BCL2L13: variants seen among roughly 807,000 people sequenced by gnomAD.
The protein encoded by BCL2L13 is BCL2 like 13.
BCL2L13 carries 13 observed loss-of-function variants against 25.8 expected under a neutral mutation model. That is an observed-to-expected ratio of 0.50 (90% CI 0.33 to 0.80). BCL2L13 has a LOEUF of 0.80. Among genes scored for constraint, BCL2L13 ranks in the 30% least tolerant of loss-of-function variants. The probability of loss-of-function intolerance (pLI) is 0.02; values close to 1 mark genes in which losing one functional copy is unlikely to be tolerated. For missense variants in BCL2L13, 504 were observed against 574.9 expected, an observed-to-expected ratio of 0.88 and a Z score of 1.26; for synonymous variants, 244 against 230.3, an observed-to-expected ratio of 1.06 and a Z score of -0.54.
intron 2 of BCL2L13, among the ~76,000 whole-genome samples, chr22:17,678,265 CCTT>C (rs1244556282): frequency 1.3e-5 from 2 of 152,036 alleles, no homozygotes; most frequent in African/African-American, 2.4e-5. Context: ...CTTAAACAAT[CCTT>C]CTGCCTCGGC....
intron 2 of BCL2L13, 32 bp from the exon 3 acceptor site, chr22:17,683,182 C>T: frequency 3.3e-6 from 4 of 1,228,344 alleles, no homozygotes; most frequent in Non-Finnish European, 4.7e-6. Context: ...CTCTCTCCCT[C>T]TTTCAATAAT....
intron 2 of BCL2L13, among the ~76,000 whole-genome samples, chr22:17,669,873 T>G (rs1253152158): frequency 6.6e-6 from 1 of 152,162 alleles, no homozygotes; most frequent in Non-Finnish European, 1.5e-5. Flanking sequence ...CCCCTCAACC[T>G]TGGACTTCTC....
intron 1 of BCL2L13, among the ~76,000 whole-genome samples, chr22:17,646,622 C>A (rs1353257825): frequency 1.3e-5 from 2 of 149,760 alleles, no homozygotes; most frequent in Admixed American, 6.6e-5. Context: ...CTTGTACTAA[C>A]TTGAATTTTA....
chr22:17,681,790 G>T (rs1035752901), intron 2 of BCL2L13, among the ~76,000 whole-genome samples: 2 of 152,092 alleles, frequency 1.3e-5, no homozygotes, highest in Non-Finnish European at 2.9e-5. Flanking sequence ...CAGGGGTTAG[G>T]GCCCAGACCC....
Position 17,674,489 on chromosome 22 carries a change from C to T in BCL2L13, c.122-8725C>T, listed in dbSNP as rs1211026342. Reference sequence around the variant, plus strand: ...GGCATGGTTCCGGGCGCCTGTAATCCCAGCTACTAGGGAGGCTGAGGTGGG... The same window carrying T: ...GGCATGGTTCCGGGCGCCTGTAATCTCAGCTACTAGGGAGGCTGAGGTGGG... On this transcript the variant is annotated intron_variant, in intron 2 of 6. Coordinates refer to ENST00000317582, the MANE Select transcript of BCL2L13 (RefSeq NM_015367.4). 2.6e-5 allele frequency among the ~76,000 whole-genome samples: 4 copies of T among 151,892 alleles called. No homozygotes were observed. In the East Asian group the frequency reaches 5.8e-4, roughly 22 times the overall value.
intron 1 of BCL2L13, among the ~76,000 whole-genome samples, chr22:17,641,651 A>G (rs1355408368): frequency 6.6e-6 from 1 of 152,044 alleles, no homozygotes; most frequent in Non-Finnish European, 1.5e-5. Context: ...CATTTTCATC[A>G]CCTCAAAAAG....
At chr22:17,712,024 G>A (rs1381794533) in intron 6 of BCL2L13, among the ~76,000 whole-genome samples, 1 of 144,048 alleles carries the variant, frequency 6.9e-6, no homozygotes, top group East Asian at 2.0e-4. Flanking sequence ...TTTTTTGAAG[G>A]TTTTTTTTTT....
intron 2 of BCL2L13, among the ~76,000 whole-genome samples, chr22:17,677,519 C>T (rs976278560): frequency 2.6e-5 from 4 of 152,072 alleles, no homozygotes; most frequent in African/African-American, 9.7e-5. Context: ...CCTGCTTGAG[C>T]CCAGGAATTT....
chr22:17,728,510 A>G lies in BCL2L13; in HGVS notation c.*976A>G, dbSNP rs2061351291. ...CCACCACCATGGTTACTTGCCAGCA[A>G]CATCTCTATTGCTGGATGGTCCCTG... is the stretch of plus-strand genomic sequence containing the variant. On this transcript the variant is annotated 3_prime_UTR_variant, in exon 7 of 7. Transcript: ENST00000317582. The G allele has an allele frequency of 1.3e-5, 2 of 152,182 alleles. No individual in the cohort carries two copies. Among genetic ancestry groups the G allele is most frequent in the African/African-American group, 4.8e-5 (2 of 41,448 alleles). The allele number at this position is 152,182 out of a possible 1,614,324, so 9.4% of individuals were successfully genotyped here.
At chr22:17,724,742 A>G (rs1433715550) in intron 6 of BCL2L13, among the ~76,000 whole-genome samples, 1 of 152,258 alleles carries the variant, frequency 6.6e-6, no homozygotes, top group Non-Finnish European at 1.5e-5. Flanking sequence ...TTTGCTTTAC[A>G]TATTCCATTC....
At chr22:17,676,353 C>A (rs1184243121) in intron 2 of BCL2L13, among the ~76,000 whole-genome samples, 2 of 152,108 alleles carry the variant, frequency 1.3e-5, no homozygotes, top group Non-Finnish European at 2.9e-5. Flanking sequence ...CTCCCAGCTA[C>A]TTGGGAGGCT....
At chr22:17,681,033 A>G (rs940205069) in intron 2 of BCL2L13, among the ~76,000 whole-genome samples, 3 of 152,076 alleles carry the variant, frequency 2.0e-5, no homozygotes, top group African/African-American at 7.2e-5. Context: ...TCGCACCTCC[A>G]TGCCCCGCGA....
chr22:17,645,702 G>T (rs2058449804), intron 1 of BCL2L13, among the ~76,000 whole-genome samples: 1 of 151,472 alleles, frequency 6.6e-6, no homozygotes, highest in Admixed American at 6.6e-5. Flanking sequence ...TACATTTGTT[G>T]TTAAAGGTTC....
intron 1 of BCL2L13, among the ~76,000 whole-genome samples, chr22:17,647,787 A>G (rs1165902645): frequency 1.3e-5 from 2 of 152,236 alleles, no homozygotes; most frequent in African/African-American, 2.4e-5. Context: ...AAAATGCTTT[A>G]GAAACAGATG....
intron 2 of BCL2L13, among the ~76,000 whole-genome samples, chr22:17,673,705 C>A (rs916834107): frequency 1.3e-5 from 2 of 152,028 alleles, no homozygotes; most frequent in Non-Finnish European, 2.9e-5. Flanking sequence ...GTCATTTGAG[C>A]TGTCCTCAAA....
chr22:17,663,880 G>T (rs1334883468), intron 2 of BCL2L13, among the ~76,000 whole-genome samples: 9 of 149,398 alleles, frequency 6.0e-5, no homozygotes, highest in African/African-American at 2.2e-4. Context: ...ATGGAGTCTC[G>T]CTCTGTTGCC....
rs188635059 is a variant in BCL2L13, at chr22:17,688,762, A to G, written c.230-224A>G. On this transcript the variant is annotated intron_variant, in intron 3 of 6. Coordinates refer to ENST00000317582, the MANE Select transcript of BCL2L13 (RefSeq NM_015367.4). Reference sequence around the variant, plus strand: ...GGCCTTTTATAGCGCAACTTTTGATATTGTTGTTTTTTTTTTTTTTTTGAG... The same window carrying G: ...GGCCTTTTATAGCGCAACTTTTGATGTTGTTGTTTTTTTTTTTTTTTTGAG... Among the ~76,000 whole-genome samples, 8 of 143,550 alleles carry G rather than the reference A, an allele frequency of 5.6e-5. No homozygotes were observed. In the East Asian group the frequency reaches 1.2e-3, roughly 22 times the overall value. 94.2% of individuals were successfully genotyped at this position (143,550 alleles called of 152,430 possible).
chr22:17,712,714 GCTTAA>G (rs1354122862), intron 6 of BCL2L13, among the ~76,000 whole-genome samples: 2 of 152,166 alleles, frequency 1.3e-5, no homozygotes, highest in African/African-American at 4.8e-5. Context: ...GGAAAATTTA[GCTTAA>G]CTGTTGATAT....
chr22:17,707,531 A>G (rs936139772), intron 6 of BCL2L13, among the ~76,000 whole-genome samples: 5 of 152,210 alleles, frequency 3.3e-5, no homozygotes, highest in African/African-American at 9.7e-5. Context: ...TACTCCCAAC[A>G]ATACAAATAT....
Sources: allele counts gnomAD v4.1 joint callset (sites outside exome capture counted in the v4.1 genomes callset), GRCh38; gene constraint gnomAD v4.1.1; transcripts MANE v1.5; gene names NCBI Gene and HGNC (gene_info 2026-07-23, HGNC 2026-07-21).